The following NDUFAF2 variants were observed in gnomAD, a reference collection of about 807,000 sequenced individuals.
The protein encoded by NDUFAF2 is NADH dehydrogenase [ubiquinone] 1 alpha subcomplex assembly factor 2.
Under a neutral mutation model 22.8 loss-of-function variants are expected in NDUFAF2, and 13 were observed. The ratio of observed to expected loss-of-function variants is 0.57; its 90% confidence interval spans 0.37 to 0.91. NDUFAF2 has a LOEUF of 0.91. Ranked by LOEUF, NDUFAF2 falls within the 40% of genes least tolerant of loss-of-function variation. The probability of loss-of-function intolerance (pLI) is 0.01; values close to 1 mark genes in which losing one functional copy is unlikely to be tolerated. For missense variants in NDUFAF2, 162 were observed against 195.2 expected (o/e 0.83, Z 1.01); for synonymous variants, 53 against 64.2 (o/e 0.83, Z 0.84).
intron 2 of NDUFAF2, among the ~76,000 whole-genome samples, chr5:61,079,089 T>G (rs1242377970): frequency 6.6e-6 from 1 of 152,202 alleles, no homozygotes; most frequent in East Asian, 1.9e-4. Context: ...TCACATATAC[T>G]CATTAAAATA....
intron 1 of NDUFAF2, among the ~76,000 whole-genome samples, chr5:61,038,438 A>G (rs1751830106): frequency 1.3e-5 from 2 of 152,192 alleles, no homozygotes; most frequent in Non-Finnish European, 2.9e-5. Flanking sequence ...GACTGTAGCC[A>G]GCTCAAACTG....
chr5:61,053,563 T>C (rs1752050276), intron 1 of NDUFAF2, among the ~76,000 whole-genome samples: 1 of 152,186 alleles, frequency 6.6e-6, no homozygotes. Flanking sequence ...AGGAAGACTC[T>C]TCATTGGCCC....
rs540528689 is a variant in NDUFAF2 at position 60,945,518 on chromosome 5, G to C, written c.127+136G>C. On this transcript the variant is annotated intron_variant, in intron 1 of 3. Coordinates refer to ENST00000296597, the MANE Select transcript of NDUFAF2 (RefSeq NM_174889.5). ...TCACCGGAGAGAATTTCCCGAGTTC[G>C]TTCTCCCCTGTCGACCCCTTCACTC... 2.0e-5 allele frequency: 26 copies of C among 1,300,342 alleles called. No individual in the cohort carries two copies. In the East Asian group the frequency reaches 5.5e-4, roughly 28 times the overall value. The allele number at this position is 1,300,342 out of a possible 1,614,324, so 80.6% of individuals were successfully genotyped here.
At chr5:61,033,560 C>T (rs1477464991) in intron 1 of NDUFAF2, among the ~76,000 whole-genome samples, 2 of 151,836 alleles carry the variant, frequency 1.3e-5, no homozygotes, top group Non-Finnish European at 2.9e-5. Context: ...ATTAGTAAAC[C>T]TAGAACTACT....
chr5:61,126,149 ACATTTG>A (rs1753033728), intron 3 of NDUFAF2, among the ~76,000 whole-genome samples: 1 of 152,024 alleles, frequency 6.6e-6, no homozygotes, highest in African/African-American at 2.4e-5. Context: ...AGTATGAAAA[ACATTTG>A]GGTTAAAAAT....
chr5:61,105,880 T>C (rs1752757116), intron 3 of NDUFAF2, among the ~76,000 whole-genome samples: 1 of 151,242 alleles, frequency 6.6e-6, no homozygotes, highest in Non-Finnish European at 1.5e-5. Flanking sequence ...GGACAAGAGG[T>C]AATGGATTTA....
At chr5:61,015,951 G>C (rs571402261) in intron 1 of NDUFAF2, among the ~76,000 whole-genome samples, 12 of 152,244 alleles carry the variant, frequency 7.9e-5, no homozygotes, top group Admixed American at 2.6e-4. Context: ...ACTTTCAGAG[G>C]CTGAGGCAGG....
At chr5:61,118,036 A>T (rs1752933997) in intron 3 of NDUFAF2, among the ~76,000 whole-genome samples, 1 of 151,348 alleles carries the variant, frequency 6.6e-6, no homozygotes, top group South Asian at 2.1e-4. Context: ...TAATTTCCTC[A>T]TTCTCTCTTT....
chr5:61,135,002 A>G (rs1740901800), intron 3 of NDUFAF2, among the ~76,000 whole-genome samples: 1 of 151,970 alleles, frequency 6.6e-6, no homozygotes, highest in African/African-American at 2.4e-5. Context: ...TGGCATTTTT[A>G]TTTTACACAC....
chr5:61,147,821 T>C (rs1048263063), intron 3 of NDUFAF2, among the ~76,000 whole-genome samples: 5 of 152,160 alleles, frequency 3.3e-5, no homozygotes, highest in African/African-American at 9.7e-5. Flanking sequence ...TGTACTCTCG[T>C]GCCAGTTTAG....
chr5:60,985,834 C>T (rs1465942139), intron 1 of NDUFAF2, among the ~76,000 whole-genome samples: 1 of 152,136 alleles, frequency 6.6e-6, no homozygotes, highest in Non-Finnish European at 1.5e-5. Context: ...CCACTGGGTT[C>T]CTCCCACCAC....
chr5:61,046,470 T>G (rs1751955647), intron 1 of NDUFAF2, among the ~76,000 whole-genome samples: 1 of 152,166 alleles, frequency 6.6e-6, no homozygotes, highest in Non-Finnish European at 1.5e-5. Flanking sequence ...TTTACTCTCC[T>G]GACTCATTAC....
intron 1 of NDUFAF2, among the ~76,000 whole-genome samples, chr5:61,067,153 A>T (rs894030113): frequency 2.0e-5 from 3 of 151,766 alleles, no homozygotes; most frequent in African/African-American, 2.4e-5. Flanking sequence ...TTATGACTAG[A>T]TGTTTCTTTT....
chr5:61,036,155 C>G (rs1270914362), intron 1 of NDUFAF2, among the ~76,000 whole-genome samples: 3 of 152,204 alleles, frequency 2.0e-5, no homozygotes, highest in African/African-American at 4.8e-5. Context: ...TCACTTTCAC[C>G]CTTGTTCCAC....
At chr5:60,947,944 C>T (rs1750485570) in intron 1 of NDUFAF2, among the ~76,000 whole-genome samples, 1 of 151,876 alleles carries the variant, frequency 6.6e-6, no homozygotes, top group Admixed American at 6.6e-5. Context: ...TGTATATTTT[C>T]TTACATAATT....
At chr5:61,079,207 A>G (rs1752408707) in intron 2 of NDUFAF2, among the ~76,000 whole-genome samples, 1 of 152,214 alleles carries the variant, frequency 6.6e-6, no homozygotes, top group South Asian at 2.1e-4. Flanking sequence ...ATAAAATGTC[A>G]TACCCACTTT....
At chr5:60,999,420 A>G (rs964967618) in intron 1 of NDUFAF2, among the ~76,000 whole-genome samples, 1 of 152,132 alleles carries the variant, frequency 6.6e-6, no homozygotes, top group African/African-American at 2.4e-5. Context: ...ACTTGCTGCC[A>G]CATGGATGAA....
At chr5:61,118,348 T>C (rs1752937839) in intron 3 of NDUFAF2, among the ~76,000 whole-genome samples, 1 of 152,180 alleles carries the variant, frequency 6.6e-6, no homozygotes, top group East Asian at 1.9e-4. Flanking sequence ...GGCAACAAAC[T>C]CATGGCCAGG....
At chr5:61,150,794 T>C (rs1164073816) in intron 3 of NDUFAF2, among the ~76,000 whole-genome samples, 1 of 152,196 alleles carries the variant, frequency 6.6e-6, no homozygotes, top group African/African-American at 2.4e-5. Flanking sequence ...CGAACTTCCA[T>C]TAAGACACAG....
Sources: allele counts gnomAD v4.1 joint callset (sites outside exome capture counted in the v4.1 genomes callset), GRCh38; gene constraint gnomAD v4.1.1; transcripts MANE v1.5; gene names NCBI Gene and HGNC (gene_info 2026-07-23, HGNC 2026-07-21).